The following GALNT17 variants were observed in gnomAD, a reference collection of about 807,000 sequenced individuals.
GALNT17 encodes UDP-GalNAc:polypeptide N-acetylgalactosaminyltransferase-like 3.
A neutral mutation model predicts 63.7 loss-of-function variants in GALNT17; 29 were observed. The ratio of observed to expected loss-of-function variants is 0.46; its 90% CI spans 0.34 to 0.62. The LOEUF (loss-of-function observed/expected upper bound fraction) is 0.62. Among genes scored for constraint, GALNT17 ranks in the 20% least tolerant of loss-of-function variants. The pLI is 0.01. For synonymous variants in GALNT17, 305 were observed against 318.3 expected (o/e 0.96, Z 0.45); for missense variants, 603 against 799.6 (o/e 0.75, Z 2.97).
intron 7 of GALNT17, among the ~76,000 whole-genome samples, chr7:71,667,934 G>C (rs1791009375): frequency 6.6e-6 from 1 of 152,032 alleles, no homozygotes; most frequent in Admixed American, 6.6e-5. Flanking sequence ...TGAGTAGCTG[G>C]GACCACAGGC....
chr7:71,651,525 A>G lies in GALNT17; in HGVS notation c.1081-13886A>G, dbSNP rs564489488. 6.0e-4 allele frequency among the ~76,000 whole-genome samples: 91 copies of G among 152,150 alleles called. 1 individual carries two copies. Among genetic ancestry groups the G allele is most frequent in the African/African-American group, 2.0e-3 (81 of 41,516 alleles). The stretch of plus-strand genomic sequence containing the variant: ...CACCATGTTGGCCAGGATGGTCTCC[A>G]TCTCTTGACCTCATGATCCACCTGC... On this transcript the variant is annotated intron_variant, in intron 6 of 10. Transcript: ENST00000333538.
intron 6 of GALNT17, among the ~76,000 whole-genome samples, chr7:71,576,601 T>C (rs1789542461): frequency 6.6e-6 from 1 of 150,992 alleles, no homozygotes; most frequent in Non-Finnish European, 1.5e-5. Context: ...GACAGAGTCT[T>C]GCTCTGTTGC....
At chr7:71,561,651 T>G (rs976292036) in intron 5 of GALNT17, among the ~76,000 whole-genome samples, 2 of 151,924 alleles carry the variant, frequency 1.3e-5, no homozygotes, top group African/African-American at 2.4e-5. Flanking sequence ...ATGATAGAAT[T>G]TGGAGATATG....
intron 5 of GALNT17, among the ~76,000 whole-genome samples, chr7:71,542,431 T>C (rs1186684961): frequency 6.6e-6 from 1 of 152,080 alleles, no homozygotes; most frequent in Non-Finnish European, 1.5e-5. Context: ...TGATAATCGC[T>C]GGGCACAGTA....
intron 1 of GALNT17, among the ~76,000 whole-genome samples, chr7:71,158,344 C>T (rs914097098): frequency 6.6e-6 from 1 of 151,524 alleles, no homozygotes; most frequent in Non-Finnish European, 1.5e-5. Context: ...ACTGGCTGTG[C>T]CGCCTGCCCC....
At position 71,133,028 on chromosome 7, in the gene GALNT17, C is replaced by T; in HGVS notation, c.226C>T (p.Arg76Trp). 4 of 1,581,042 alleles carry T rather than the reference C, an allele frequency of 2.5e-6. No individual in the cohort carries two copies. The highest frequency in any genetic ancestry group is 2.3e-5 in the East Asian group (1 of 43,372). ...RLSLLEDIVY[R>W]QLNGLSKSLG... is the part of the protein sequence containing the mutation. ...GTCGCTGCTGGAGGACATCGTGTAC[C>T]GGCAGCTGAATGGTAAGGACGCACG... is the stretch of plus-strand genomic sequence containing the variant. Residue 76 changes from arginine (R) to tryptophan (W), a missense_variant, in exon 1 of 11, where the codon CGG (arginine) becomes TGG (tryptophan). Arg to Trp is a moderately radical substitution (Grantham distance 101). Around this residue, in one of 3 missense-constraint regions of GALNT17, gnomAD observed 195 missense variants for 215.0 expected, o/e 0.91. Coordinates refer to ENST00000333538, the MANE Select transcript of GALNT17 (RefSeq NM_022479.3).
At chr7:71,571,504 T>TCTGTCATTCATCA in intron 6 of GALNT17, 102 bp downstream of exon 6, 2 of 921,800 alleles carry the variant, frequency 2.2e-6, no homozygotes, top group Non-Finnish European at 3.5e-6. Context: ...AGCTGATGAA[T>TCTGTCATTCATCA]GACAGATTCA....
intron 8 of GALNT17, among the ~76,000 whole-genome samples, chr7:71,673,642 C>G (rs1343728771): frequency 1.3e-5 from 2 of 152,092 alleles, no homozygotes; most frequent in Non-Finnish European, 2.9e-5. Context: ...AACATGATGA[C>G]CAGCCTGTGC....
chr7:71,196,304 A>AT (rs1480639038), intron 1 of GALNT17, among the ~76,000 whole-genome samples: 3 of 151,598 alleles, frequency 2.0e-5, no homozygotes, highest in South Asian at 2.1e-4. Context: ...TGCCTGGGTA[A>AT]TTTTTTTGTA....
intron 5 of GALNT17, among the ~76,000 whole-genome samples, chr7:71,436,817 A>G (rs1318129229): frequency 6.6e-6 from 1 of 152,216 alleles, no homozygotes; most frequent in East Asian, 1.9e-4. Context: ...CTGCTAGAGA[A>G]ACAGTGTGAG....
Position 71,519,281 on chromosome 7 carries a change from G to C in GALNT17, c.963-52004G>C, listed in dbSNP as rs115422604. On this transcript the variant is annotated intron_variant, in intron 5 of 10. Coordinates refer to ENST00000333538, the MANE Select transcript of GALNT17 (RefSeq NM_022479.3). ...AGGGTCCATTATCTTATGGAAGTCA[G>C]CAGCAGTATTCATTAATTCATCCAA... Among the ~76,000 whole-genome samples, 2 of 152,300 alleles carry C rather than the reference G, an allele frequency of 1.3e-5. 1 individual carries two copies. Among genetic ancestry groups the C allele is most frequent in the Admixed American group, 1.3e-4 (2 of 15,294 alleles).
At chr7:71,469,391 C>T (rs1787591514) in intron 5 of GALNT17, among the ~76,000 whole-genome samples, 1 of 152,210 alleles carries the variant, frequency 6.6e-6, no homozygotes, top group African/African-American at 2.4e-5. Context: ...ACCTTCGACA[C>T]ATTAAATTAC....
chr7:71,562,192 T>G (rs1004773793), intron 5 of GALNT17, among the ~76,000 whole-genome samples: 51 of 152,154 alleles, frequency 3.4e-4, no homozygotes, highest in Non-Finnish European at 1.9e-4. Flanking sequence ...CTCAAACTCC[T>G]GGACTCAAGC....
chr7:71,248,040 G>T (rs1341052082), intron 1 of GALNT17, among the ~76,000 whole-genome samples: 1 of 152,112 alleles, frequency 6.6e-6, no homozygotes, highest in Non-Finnish European at 1.5e-5. Context: ...CTGCTATAAA[G>T]GAAGACCCAA....
chr7:71,420,876 A>C, intron 4 of GALNT17, 32 bp from the exon 5 acceptor site: 1 of 1,596,766 alleles, frequency 6.3e-7, no homozygotes, highest in Middle Eastern at 1.7e-4. Flanking sequence ...GGGAGAGAAG[A>C]GAGGTTTCAT....
chr7:71,506,656 A>G (rs1788274498), intron 5 of GALNT17, among the ~76,000 whole-genome samples: 1 of 152,236 alleles, frequency 6.6e-6, no homozygotes, highest in African/African-American at 2.4e-5. Flanking sequence ...AGATGTTTCA[A>G]TACATGCAAT....
chr7:71,252,272 A>C (rs183161263), intron 1 of GALNT17, among the ~76,000 whole-genome samples: 13 of 151,640 alleles, frequency 8.6e-5, no homozygotes, highest in African/African-American at 3.1e-4. Context: ...CATGCCTGTA[A>C]TCCCAGCACT....
chr7:71,200,781 A>G (rs753909109), intron 1 of GALNT17, among the ~76,000 whole-genome samples: 79 of 151,980 alleles, frequency 5.2e-4, no homozygotes, highest in African/African-American at 1.8e-3. Flanking sequence ...TTGCTTTTCC[A>G]TTTTCTATCA....
At chr7:71,480,402 T>C (rs531418949) in intron 5 of GALNT17, among the ~76,000 whole-genome samples, 3 of 152,182 alleles carry the variant, frequency 2.0e-5, no homozygotes, top group African/African-American at 7.2e-5. Context: ...GTCAGTCCTC[T>C]TGTCCACCAG....
Sources: gnomAD v4.1 joint callset for allele counts (sites outside exome capture counted in the v4.1 genomes callset) on GRCh38, gnomAD v4.1.1 for gene constraint, gnomAD v4.1.1 regional missense constraint, MANE v1.5 for transcripts, NCBI Gene and HGNC (gene_info 2026-07-23, HGNC 2026-07-21) for gene names.